Variants in MCM10 observed in about 807,000 individuals in gnomAD.
MCM10 encodes the protein protein MCM10 homolog.
MCM10 carries 91 observed loss-of-function variants against 109.9 expected under a neutral mutation model. The ratio of observed to expected loss-of-function variants is 0.83; its 90% CI spans 0.70 to 0.99. The LOEUF is 0.99. Among genes scored for constraint, MCM10 ranks in the 50% least tolerant of loss-of-function variants. The pLI is 0.00. For synonymous variants in MCM10, 380 were observed against 387.2 expected, an observed-to-expected ratio of 0.98 and a Z score of 0.22; for missense variants, 1,077 against 1,061.2, an observed-to-expected ratio of 1.01 and a Z score of -0.21.
Position 13,182,486 on chromosome 10 carries a change from A to C in MCM10, c.931-447A>C, listed in dbSNP as rs117894790. 0.028 allele frequency among the ~76,000 whole-genome samples: 4,245 copies of C among 152,232 alleles called. 105 individuals carry two copies. The highest frequency in any genetic ancestry group is 0.038 in the Non-Finnish European group (2,587 of 68,020). On this transcript the variant is annotated intron_variant, in intron 7 of 19. Coordinates refer to ENST00000378714, the MANE Select transcript of MCM10 (RefSeq NM_018518.5). This position sits in a 1 kb window ranked among gnomAD's most constrained non-coding sequence, Gnocchi z 4.2. ...GCAAGACTCTGTCTCTAAAAATAATAATCATCATATAATTAACCAATGATA... is the reference window on the plus strand; with the variant it reads ...GCAAGACTCTGTCTCTAAAAATAATCATCATCATATAATTAACCAATGATA...
At chr10:13,198,059 C>T (rs572206903) in intron 15 of MCM10, among the ~76,000 whole-genome samples, 3 of 152,100 alleles carry the variant, frequency 2.0e-5, no homozygotes, top group East Asian at 1.9e-4. Flanking sequence ...ACTACAAGCG[C>T]GCGCCACCAC....
At position 13,180,019 on chromosome 10, in the gene MCM10, C is replaced by T. The variant is rs576078187; in HGVS notation, c.765-423C>T. ...CTGTAATCCCCGCACTTTGGGAGGC[C>T]GAGGCGAGCAGATCGCTTGAGGCCA... On this transcript the variant is annotated intron_variant, in intron 6 of 19. Transcript: ENST00000378714. 1.1e-4 allele frequency among the ~76,000 whole-genome samples: 16 copies of T among 152,218 alleles called. No individual in the cohort carries two copies. The East Asian group carries it at 2.7e-3, about 26-fold the overall frequency.
intron 17 of MCM10, among the ~76,000 whole-genome samples, chr10:13,203,564 C>G (rs1477395138): frequency 6.6e-6 from 1 of 152,178 alleles, no homozygotes. Flanking sequence ...CACCACTCTG[C>G]TCTGCACTTT....
At chr10:13,194,025 G>A (rs1024063144) in intron 13 of MCM10, among the ~76,000 whole-genome samples, 1 of 152,108 alleles carries the variant, frequency 6.6e-6, no homozygotes, top group Admixed American at 6.5e-5. Flanking sequence ...GATCAAATGA[G>A]AAGTTTGGAC....
intron 2 of MCM10, among the ~76,000 whole-genome samples, chr10:13,165,017 A>C (rs902743337): frequency 6.6e-6 from 1 of 152,190 alleles, no homozygotes; most frequent in African/African-American, 2.4e-5. Context: ...CTTTAAAACA[A>C]AACTTGAAAT....
intron 6 of MCM10, 30 bp downstream of exon 6, chr10:13,175,711 G>A (rs762646121): frequency 8.0e-6 from 12 of 1,509,192 alleles, no homozygotes; most frequent in East Asian, 4.6e-5. Context: ...ATTCATGTGC[G>A]CCACGGCATA....
intron 18 of MCM10, among the ~76,000 whole-genome samples, chr10:13,205,048 ATATATTAATTTGTATAAAT>A (rs1834560886): frequency 7.3e-6 from 1 of 137,902 alleles, no homozygotes; most frequent in African/African-American, 3.0e-5. Context: ...ATATATATAT[ATATATTAATTTGTATAAAT>A]TTAAGGGGCA....
chr10:13,191,243 C>A, intron 10 of MCM10, 56 bp from the exon 11 acceptor site: 1 of 1,163,438 alleles, frequency 8.6e-7, no homozygotes, highest in Non-Finnish European at 1.3e-6. Context: ...TTCTTTACCT[C>A]ATCAGAGCAT....
intron 14 of MCM10, among the ~76,000 whole-genome samples, chr10:13,196,314 C>A (rs954931062): frequency 3.3e-5 from 5 of 152,186 alleles, no homozygotes; most frequent in African/African-American, 1.2e-4. Context: ...CACCTGCCCA[C>A]TTCCTGAGTG....
intron 7 of MCM10, among the ~76,000 whole-genome samples, chr10:13,181,891 G>A (rs556962913): frequency 1.3e-5 from 2 of 152,228 alleles, no homozygotes; most frequent in East Asian, 1.9e-4. Context: ...CCAGCTCAGC[G>A]TCCGGGCAGT....
intron 16 of MCM10, 55 bp downstream of exon 16, chr10:13,198,862 AG>A: frequency 8.8e-7 from 1 of 1,138,954 alleles, no homozygotes; most frequent in East Asian, 2.3e-5. Flanking sequence ...TTCAAAGCCA[AG>A]GTGCTAGCTG....
intron 6 of MCM10, among the ~76,000 whole-genome samples, chr10:13,176,056 A>G (rs1287384119): frequency 6.6e-6 from 1 of 152,156 alleles, no homozygotes. Context: ...AACCAGGATA[A>G]TATTTATGCA....
intron 2 of MCM10, among the ~76,000 whole-genome samples, chr10:13,166,095 C>G (rs1241621811): frequency 6.6e-6 from 1 of 151,868 alleles, no homozygotes; most frequent in Non-Finnish European, 1.5e-5. Context: ...ACTGCTATGT[C>G]TTTGTATGCT....
chr10:13,171,022 T>A lies in MCM10; in HGVS notation c.108T>A (p.Asn36Lys), dbSNP rs137855341. The A allele has an allele frequency of 1.2e-6, 2 of 1,614,158 alleles. No individual in the cohort carries two copies. Among genetic ancestry groups the A allele is most frequent in the African/African-American group, 1.3e-5 (1 of 75,032 alleles). Residue 36 changes from asparagine (N) to lysine (K), a missense_variant, in exon 3 of 20, where the codon AAT (asparagine) becomes AAA (lysine). Transcript: ENST00000378714. ...AAAATAACTTCTTGACGCGGGAAAATGGCGAGCCCGACGCATTTGATGAGC... is the reference window on the plus strand; with the variant it reads ...AAAATAACTTCTTGACGCGGGAAAAAGGCGAGCCCGACGCATTTGATGAGC... ...SEENNFLTRE[N>K]GEPDAFDELF...
chr10:13,185,651 A>G (rs555712426), intron 8 of MCM10, among the ~76,000 whole-genome samples: 1 of 152,356 alleles, frequency 6.6e-6, no homozygotes, highest in East Asian at 1.9e-4. Flanking sequence ...CAGGATTCCA[A>G]TCGCAAAGAT....
intron 2 of MCM10, among the ~76,000 whole-genome samples, chr10:13,169,431 T>A (rs985772160): frequency 2.0e-5 from 3 of 152,200 alleles, no homozygotes; most frequent in Non-Finnish European, 4.4e-5. Flanking sequence ...ACTATGCCAT[T>A]TCAAGAGTGC....
At chr10:13,204,168 G>A (rs765749183) in intron 17 of MCM10, 51 bp from the exon 18 acceptor site, 23 of 1,593,334 alleles carry the variant, frequency 1.4e-5, no homozygotes, top group Middle Eastern at 2.1e-4. Flanking sequence ...CTGAGCATTT[G>A]TCCTCAAAGG....
chr10:13,197,909 T>C (rs112648340), intron 15 of MCM10, 142 bp downstream of exon 15: 1 of 800,184 alleles, frequency 1.2e-6, no homozygotes, highest in Non-Finnish European at 1.8e-6. Context: ...TTTCTATGGG[T>C]GGAACTGATT....
chr10:13,186,269 A>G lies in MCM10; in HGVS notation c.1204A>G (p.Thr402Ala). The G allele has an allele frequency of 6.2e-7, 1 of 1,610,210 alleles. No homozygotes were observed. The highest frequency in any genetic ancestry group is 1.3e-5 in the African/African-American group (1 of 74,924). Reference sequence around the variant, plus strand: ...GAAGAATGGAGAGCCGTGCACGCAGACTGTGAATTTGGTTGGTTTCAGCCT... The same window carrying G: ...GAAGAATGGAGAGCCGTGCACGCAGGCTGTGAATTTGGTTGGTTTCAGCCT... ...KKKNGEPCTQ[T>A]VNLRDCEYCQ... Residue 402 changes from threonine to alanine, a missense_variant, in exon 9 of 20, where the codon ACT becomes GCT. Physicochemically the swap from Thr to Ala is moderately conservative, Grantham distance 58. Transcript: ENST00000378714.
Sources: allele counts gnomAD v4.1 joint callset (sites outside exome capture counted in the v4.1 genomes callset), GRCh38; gene constraint gnomAD v4.1.1; non-coding constraint Gnocchi (gnomAD v3.1); transcripts MANE v1.5; gene names NCBI Gene and HGNC (gene_info 2026-07-23, HGNC 2026-07-21).